The following ARHGAP20 variants were observed in gnomAD, a reference collection of about 807,000 sequenced individuals.
The protein encoded by ARHGAP20 is Rho GTPase activating protein 20.
ARHGAP20 carries 34 observed loss-of-function variants against 73.7 expected under a neutral mutation model. The ratio of observed to expected loss-of-function variants is 0.46; its 90% confidence interval spans 0.35 to 0.61. The LOEUF (loss-of-function observed/expected upper bound fraction) is 0.61, where lower values mean the gene tolerates loss of function less well. Ranked by LOEUF, ARHGAP20 falls within the 20% of genes least tolerant of loss-of-function variation. ARHGAP20 has a pLI of 0.00. For synonymous variants in ARHGAP20, 523 were observed against 518.2 expected, an observed-to-expected ratio of 1.01 and a Z score of -0.13; for missense variants, 1,314 against 1,420.9, an observed-to-expected ratio of 0.92 and a Z score of 1.21.
At chr11:110,593,271 G>A (rs1018628538) in intron 9 of ARHGAP20, among the ~76,000 whole-genome samples, 3 of 152,140 alleles carry the variant, frequency 2.0e-5, no homozygotes, top group African/African-American at 4.8e-5. Context: ...CCATAGTGCC[G>A]AAATGTTTTT....
intron 1 of ARHGAP20, among the ~76,000 whole-genome samples, chr11:110,704,465 C>T (rs1273256756): frequency 6.6e-6 from 1 of 152,242 alleles, no homozygotes. Flanking sequence ...CTCAGCACAC[C>T]ACTGACCTAC....
chr11:110,690,626 T>G lies in ARHGAP20; in HGVS notation c.109A>C (p.Met37Leu), dbSNP rs1486920803. ...LAGGSCTKKKMKTLAERRRSA... is the reference protein window; with the variant it reads ...LAGGSCTKKKLKTLAERRRSA... Reference sequence around the variant, plus strand: ...CTCCTCCTTTCTGCTAGTGTTTTCATTTTCTGTTGATGAAACAAACCAAAA... The same window carrying G: ...CTCCTCCTTTCTGCTAGTGTTTTCAGTTTCTGTTGATGAAACAAACCAAAA... Residue 37 changes from methionine to leucine, a missense_variant, in exon 2 of 15, where the codon ATG becomes CTG. By Grantham distance (15) the Met-to-Leu change is conservative. Around this residue, in one of 3 missense-constraint regions of ARHGAP20, gnomAD observed 443 missense variants for 466.4 expected, o/e 0.95. Transcript: ENST00000683387. 6.2e-7 allele frequency: 1 copy of G among 1,614,056 alleles called. No homozygotes were observed. The highest frequency in any genetic ancestry group is 8.5e-7 in the Non-Finnish European group (1 of 1,179,956).
intron 6 of ARHGAP20, among the ~76,000 whole-genome samples, chr11:110,611,917 A>G (rs1256735601): frequency 6.6e-6 from 1 of 152,210 alleles, no homozygotes; most frequent in East Asian, 1.9e-4. Context: ...AAAAGTCACT[A>G]TTGGGAACTT....
At chr11:110,711,840 G>A (rs1950666045) in intron 1 of ARHGAP20, 15 of 1,313,810 alleles carry the variant, frequency 1.1e-5, no homozygotes, top group Non-Finnish European at 1.4e-5. Context: ...GAGGAGCCGG[G>A]CTGCAGAACC....
intron 1 of ARHGAP20, among the ~76,000 whole-genome samples, chr11:110,697,831 T>A (rs1021829307): frequency 9.2e-5 from 14 of 151,938 alleles, no homozygotes; most frequent in African/African-American, 3.4e-4. Context: ...CACAGCCTTG[T>A]AGTATAATTT....
In ARHGAP20 at chr11:110,612,427, C is replaced by CA. The variant is rs994348418; in HGVS notation, c.631-1042dup. On this transcript the variant is annotated intron_variant, in intron 6 of 14. Transcript: ENST00000683387. ...TGGGCGACAGAGCGAGACTCCATCTCAAAAAAAAAACAAAAAACAAACAAA... is the reference window on the plus strand; with the variant it reads ...TGGGCGACAGAGCGAGACTCCATCTCAAAAAAAAAAACAAAAAACAAACAAA... Among the ~76,000 whole-genome samples, 387 of 137,470 alleles carry CA rather than the reference C, an allele frequency of 2.8e-3. 3 individuals are homozygous for CA. The highest frequency in any genetic ancestry group is 8.1e-3 in the African/African-American group (303 of 37,324). 90.2% of individuals were successfully genotyped at this position (137,470 alleles called of 152,430 possible). A position where few individuals can be genotyped will look rare whatever the true frequency, so the allele number is the denominator to read the frequency against.
Position 110,590,736 on chromosome 11 carries a change from G to T in ARHGAP20, c.1217C>A (p.Ser406Tyr), listed in dbSNP as rs747575496. 2 of 1,614,038 alleles carry T rather than the reference G, an allele frequency of 1.2e-6. No individual in the cohort carries two copies. The highest frequency in any genetic ancestry group is 1.7e-6 in the Non-Finnish European group (2 of 1,179,972). ...CAATTTCTCTTTTAGTTCTCTGCAG[G>T]ATTTCACATTGGCTGATTGCCTGAA... ...GIFRQSANVK[S>Y]CRELKEKLNS... The change falls in exon 11 of 15, where the codon TCC (serine) becomes TAC (tyrosine). Residue 406 changes from serine to tyrosine, a missense_variant. Physicochemically the swap from Ser to Tyr is moderately radical, Grantham distance 144. Coordinates refer to ENST00000683387, the MANE Select transcript of ARHGAP20 (RefSeq NM_001384657.1).
intron 9 of ARHGAP20, among the ~76,000 whole-genome samples, chr11:110,593,395 C>G (rs1272949127): frequency 1.3e-5 from 2 of 152,166 alleles, no homozygotes; most frequent in East Asian, 3.9e-4. Flanking sequence ...TCTGTCCCCT[C>G]TTCCCAACAG....
chr11:110,671,053 T>C (rs1949817401), intron 2 of ARHGAP20, among the ~76,000 whole-genome samples: 1 of 152,122 alleles, frequency 6.6e-6, no homozygotes, highest in Admixed American at 6.5e-5. Flanking sequence ...ATTGGTTTAT[T>C]AGTTATAACA....
Position 110,578,653 on chromosome 11 carries a change from T to C in ARHGAP20, c.*717A>G. On this transcript the variant is annotated 3_prime_UTR_variant, in exon 15 of 15. Coordinates refer to ENST00000683387, the MANE Select transcript of ARHGAP20 (RefSeq NM_001384657.1). ...CCATTTTCTTCTTTCTCCTCACAAC[T>C]CTGTTTCCTGAAGCCTTGCAAAGCA... The C allele has an allele frequency of 1.0e-6, 1 of 985,408 alleles. No individual in the cohort carries two copies. Among genetic ancestry groups the C allele is most frequent in the Non-Finnish European group, 1.2e-6 (1 of 829,930 alleles). The allele number at this position is 985,408 out of a possible 1,614,324, so 61.0% of individuals were successfully genotyped here.
intron 1 of ARHGAP20, among the ~76,000 whole-genome samples, chr11:110,706,695 A>C (rs1445326588): frequency 1.3e-5 from 2 of 152,154 alleles, no homozygotes; most frequent in African/African-American, 2.4e-5. Context: ...TGAGAGGTGC[A>C]GGATAGGGGT....
At chr11:110,710,961 C>T (rs1049605113) in intron 1 of ARHGAP20, among the ~76,000 whole-genome samples, 2 of 134,228 alleles carry the variant, frequency 1.5e-5, no homozygotes, top group African/African-American at 5.6e-5. Context: ...CCTCTAATCG[C>T]AACTTGTTTC....
At chr11:110,642,933 GT>G (rs953841439) in intron 2 of ARHGAP20, among the ~76,000 whole-genome samples, 42 of 151,990 alleles carry the variant, frequency 2.8e-4, no homozygotes, top group African/African-American at 9.9e-4. Flanking sequence ...TGGTTGGTAG[GT>G]TTTTTATTAC....
intron 2 of ARHGAP20, among the ~76,000 whole-genome samples, chr11:110,637,371 G>T (rs1199832555): frequency 6.6e-6 from 1 of 151,954 alleles, no homozygotes; most frequent in Non-Finnish European, 1.5e-5. Flanking sequence ...ACCGATAACT[G>T]TTAAATAACT....
At chr11:110,658,127 A>T (rs1260948387) in intron 2 of ARHGAP20, among the ~76,000 whole-genome samples, 1 of 152,242 alleles carries the variant, frequency 6.6e-6, no homozygotes, top group Non-Finnish European at 1.5e-5. Context: ...ACTGCATTTT[A>T]TCAGTCTGTC....
At chr11:110,662,745 G>C (rs1949642053) in intron 2 of ARHGAP20, among the ~76,000 whole-genome samples, 1 of 151,900 alleles carries the variant, frequency 6.6e-6, no homozygotes, top group African/African-American at 2.4e-5. Flanking sequence ...TATAAACTCA[G>C]TCATGACATA....
chr11:110,635,395 A>G (rs1030130377), intron 2 of ARHGAP20, among the ~76,000 whole-genome samples: 7 of 152,174 alleles, frequency 4.6e-5, no homozygotes, highest in African/African-American at 1.7e-4. Flanking sequence ...TCTAATGCAC[A>G]TTGAAGTTTG....
chr11:110,591,341 C>A (rs758212926), intron 10 of ARHGAP20, among the ~76,000 whole-genome samples: 23 of 152,162 alleles, frequency 1.5e-4, no homozygotes, highest in Non-Finnish European at 2.8e-4. Context: ...TAACAACTAT[C>A]CCCTAAATTT....
chr11:110,672,531 G>A (rs756234116), intron 2 of ARHGAP20, among the ~76,000 whole-genome samples: 6 of 151,360 alleles, frequency 4.0e-5, no homozygotes, highest in South Asian at 2.1e-4. Flanking sequence ...TGCAACCTCC[G>A]CCCCTCATGT....
Sources: allele counts gnomAD v4.1 joint callset (sites outside exome capture counted in the v4.1 genomes callset), GRCh38; gene constraint gnomAD v4.1.1; regional missense constraint gnomAD v4.1.1; transcripts MANE v1.5; gene names NCBI Gene and HGNC (gene_info 2026-07-23, HGNC 2026-07-21).